KIAA1958: variants seen among roughly 807,000 people sequenced by gnomAD.
KIAA1958 encodes KIAA1958, also known as uncharacterized protein KIAA1958.
A neutral mutation model predicts 47.2 loss-of-function variants in KIAA1958; 14 were observed. The observed-to-expected ratio is 0.30, with a 90% CI of 0.20 to 0.46. The LOEUF (loss-of-function observed/expected upper bound fraction) is 0.46. Ranked by LOEUF, KIAA1958 falls within the 20% of genes least tolerant of loss-of-function variation. KIAA1958 has a pLI of 1.00. For synonymous variants in KIAA1958, 354 were observed against 353.3 expected, an observed-to-expected ratio of 1.00 and a Z score of -0.02; for missense variants, 803 against 909.2, an observed-to-expected ratio of 0.88 and a Z score of 1.50.
intron 2 of KIAA1958, among the ~76,000 whole-genome samples, chr9:112,590,778 C>T (rs1357001658): frequency 1.3e-5 from 2 of 152,036 alleles, no homozygotes; most frequent in African/African-American, 4.8e-5. Context: ...TGTAGTTGGT[C>T]CTAGTGAATA....
chr9:112,532,414 C>G (rs1240556749), intron 1 of KIAA1958, among the ~76,000 whole-genome samples: 1 of 152,118 alleles, frequency 6.6e-6, no homozygotes, highest in African/African-American at 2.4e-5. Context: ...CAGAGGAAAA[C>G]TCTTTTTTTC....
At position 112,668,573 on chromosome 9, in the gene KIAA1958, G is replaced by A. The variant is rs370563310; in HGVS notation, c.*8504G>A. The A allele has an allele frequency of 6.6e-6, 1 of 152,228 alleles. No homozygotes were observed. The highest frequency in any genetic ancestry group is 2.1e-4 in the South Asian group (1 of 4,836). The allele number at this position is 152,228 out of a possible 1,614,324, so 9.4% of individuals were successfully genotyped here. On this transcript the variant is annotated 3_prime_UTR_variant, in exon 4 of 4. Transcript: ENST00000337530. ...TGGAAGGCCTTGAAAACACACAGGA[G>A]TGTAGAGTATCGTCAGCTCTGATGC...
intron 1 of KIAA1958, among the ~76,000 whole-genome samples, chr9:112,492,372 CAT>C (rs1376396068): frequency 6.6e-6 from 1 of 152,184 alleles, no homozygotes; most frequent in Admixed American, 6.5e-5. Context: ...AGGGCACACA[CAT>C]ATGACTTCAT....
At chr9:112,513,257 A>G (rs1834353129) in intron 1 of KIAA1958, among the ~76,000 whole-genome samples, 2 of 129,142 alleles carry the variant, frequency 1.5e-5, no homozygotes, top group African/African-American at 3.0e-5. Flanking sequence ...CACCCACCTC[A>G]GCCTCCTAAA....
intron 1 of KIAA1958, among the ~76,000 whole-genome samples, chr9:112,544,562 G>T (rs1834997321): frequency 6.6e-6 from 1 of 152,198 alleles, no homozygotes; most frequent in African/African-American, 2.4e-5. Flanking sequence ...TCAAAGTCAT[G>T]TGACTATTTA....
At chr9:112,526,625 C>T (rs371064178) in intron 1 of KIAA1958, among the ~76,000 whole-genome samples, 5 of 152,332 alleles carry the variant, frequency 3.3e-5, no homozygotes, top group African/African-American at 1.2e-4. Flanking sequence ...AAGATGCTAG[C>T]ATCTGGTAAG....
chr9:112,524,098 A>G (rs945717895), intron 1 of KIAA1958, among the ~76,000 whole-genome samples: 1 of 152,250 alleles, frequency 6.6e-6, no homozygotes, highest in Admixed American at 6.5e-5. Context: ...CCAGAAGCCA[A>G]CAAAATGCCA....
chr9:112,600,851 TTA>T (rs1452494462), intron 2 of KIAA1958, among the ~76,000 whole-genome samples: 1 of 152,362 alleles, frequency 6.6e-6, no homozygotes, highest in East Asian at 1.9e-4. Context: ...ACTAGATGAC[TTA>T]TATGTCCAAC....
chr9:112,633,484 T>A lies in KIAA1958; in HGVS notation c.1172-12166T>A, dbSNP rs181457970. On this transcript the variant is annotated intron_variant, in intron 2 of 3. Coordinates refer to ENST00000337530, the MANE Select transcript of KIAA1958 (RefSeq NM_133465.4). ...TTAAGGATTTTTTAATGTTTTCTTA[T>A]TGAATTATACAATACTTATTGAAGT... 5.9e-5 allele frequency among the ~76,000 whole-genome samples: 9 copies of A among 152,288 alleles called. No individual in the cohort carries two copies. In the East Asian group the frequency reaches 1.5e-3, roughly 26 times the overall value.
At chr9:112,520,994 A>G (rs945934234) in intron 1 of KIAA1958, among the ~76,000 whole-genome samples, 1 of 151,878 alleles carries the variant, frequency 6.6e-6, no homozygotes. Flanking sequence ...CTATTTCTTT[A>G]ATTTCTCCTT....
intron 2 of KIAA1958, among the ~76,000 whole-genome samples, chr9:112,637,507 A>G (rs1432842572): frequency 2.0e-5 from 3 of 151,960 alleles, no homozygotes; most frequent in African/African-American, 7.3e-5. Flanking sequence ...CCTCCTTAGT[A>G]ACTGGGATTA....
intron 1 of KIAA1958, among the ~76,000 whole-genome samples, chr9:112,543,361 C>A (rs1834975546): frequency 1.3e-5 from 2 of 151,992 alleles, no homozygotes; most frequent in Admixed American, 6.6e-5. Flanking sequence ...CAGAAGTAAC[C>A]ATCAACTTCA....
intron 1 of KIAA1958, among the ~76,000 whole-genome samples, chr9:112,516,269 C>G (rs1351055465): frequency 2.3e-5 from 2 of 88,150 alleles, no homozygotes; most frequent in Non-Finnish European, 4.4e-5. Flanking sequence ...CACAGTGAGA[C>G]CTCATCTCTT....
intron 1 of KIAA1958, among the ~76,000 whole-genome samples, chr9:112,493,422 A>G (rs1233929395): frequency 6.6e-6 from 1 of 152,082 alleles, no homozygotes; most frequent in Non-Finnish European, 1.5e-5. Context: ...GTGAGTTGGT[A>G]CCACCTTCCA....
intron 1 of KIAA1958, among the ~76,000 whole-genome samples, chr9:112,546,084 G>A (rs977796991): frequency 6.6e-6 from 1 of 151,860 alleles, no homozygotes; most frequent in African/African-American, 2.4e-5. Context: ...AGTTCTGCAG[G>A]ACTGGTTTCA....
Position 112,610,272 on chromosome 9 carries a change from A to C in KIAA1958, c.1171+35021A>C, listed in dbSNP as rs57485803. Among the ~76,000 whole-genome samples the C allele has an allele frequency of 4.6e-3, 694 of 152,002 alleles. 4 individuals carry two copies. Among genetic ancestry groups the C allele is most frequent in the African/African-American group, 0.016 (664 of 41,534 alleles). ...TATACTTAAAAATTTTATTAATATA[A>C]ATAAGTAGGAAAAGAAATTAAGCAT... On this transcript the variant is annotated intron_variant, in intron 2 of 3. Coordinates refer to ENST00000337530, the MANE Select transcript of KIAA1958 (RefSeq NM_133465.4).
chr9:112,488,816 T>A (rs780871122), intron 1 of KIAA1958, among the ~76,000 whole-genome samples: 5 of 152,238 alleles, frequency 3.3e-5, no homozygotes, highest in African/African-American at 4.8e-5. Context: ...AAAAGTTTAG[T>A]ATGCTTAAAA....
At position 112,618,169 on chromosome 9, in the gene KIAA1958, A is replaced by C; in HGVS notation, c.1172-27481A>C. 5 of 1,550,612 alleles carry C rather than the reference A, an allele frequency of 3.2e-6. No individual in the cohort carries two copies. Among genetic ancestry groups the C allele is most frequent in the Non-Finnish European group, 4.4e-6 (5 of 1,147,002 alleles). On this transcript the variant is annotated intron_variant, in intron 2 of 3. Transcript: ENST00000337530. This position sits in a 1 kb window ranked among gnomAD's most constrained non-coding sequence, Gnocchi z 7.1. ...GCTATAGCATCACCAGGGATAAGGA[A>C]TTCAAGCGTTCCCAAGAGGCCCTGA...
chr9:112,490,830 G>A (rs914510776), intron 1 of KIAA1958, among the ~76,000 whole-genome samples: 6 of 152,124 alleles, frequency 3.9e-5, no homozygotes, highest in African/African-American at 1.4e-4. Context: ...CAAAGAAGAT[G>A]TATTTCAGAA....
Sources: allele counts gnomAD v4.1 joint callset (sites outside exome capture counted in the v4.1 genomes callset), GRCh38; gene constraint gnomAD v4.1.1; non-coding constraint Gnocchi (gnomAD v3.1); transcripts MANE v1.5; gene names NCBI Gene and HGNC (gene_info 2026-07-23, HGNC 2026-07-21).